Variants in HBS1L observed in about 807,000 individuals in gnomAD.
HBS1L encodes HBS1-like protein.
A neutral mutation model predicts 88.9 loss-of-function variants in HBS1L; 55 were observed. That is an observed-to-expected ratio of 0.62 (90% CI 0.50 to 0.77). The LOEUF is 0.77. Among genes scored for constraint, HBS1L ranks in the 30% least tolerant of loss-of-function variants. HBS1L has a pLI of 0.00. For synonymous variants in HBS1L, 267 were observed against 288.5 expected, an observed-to-expected ratio of 0.93 and a Z score of 0.76; for missense variants, 741 against 829.3, an observed-to-expected ratio of 0.89 and a Z score of 1.31.
chr6:135,012,205 T>C (rs1192236639), intron 4 of HBS1L, among the ~76,000 whole-genome samples: 4 of 152,178 alleles, frequency 2.6e-5, no homozygotes, highest in African/African-American at 4.8e-5. Flanking sequence ...AACAATGGAA[T>C]AGTATGCTAC....
At chr6:135,052,525 T>C (rs1304517653) in intron 1 of HBS1L, among the ~76,000 whole-genome samples, 1 of 149,504 alleles carries the variant, frequency 6.7e-6, no homozygotes, top group Non-Finnish European at 1.5e-5. Context: ...AGAGCTATGA[T>C]CATGCCACTG....
At chr6:134,998,790 T>G (rs1583092794) in intron 5 of HBS1L, among the ~76,000 whole-genome samples, 1 of 152,362 alleles carries the variant, frequency 6.6e-6, no homozygotes, top group East Asian at 1.9e-4. Context: ...CAACTTTATT[T>G]AAAGCCACAT....
Position 134,964,940 on chromosome 6 carries a change from A to T in HBS1L, c.*339T>A. 3 of 313,254 alleles carry T rather than the reference A, an allele frequency of 9.6e-6. No homozygotes were observed. The South Asian group carries it at 1.2e-4, about 13-fold the overall frequency. 19.4% of individuals were successfully genotyped at this position (313,254 alleles called of 1,614,324 possible). On this transcript the variant is annotated 3_prime_UTR_variant, in exon 18 of 18. Transcript: ENST00000367837. ...AATCAAAAGAGAAAACTGCAAATAC[A>T]TTGTGCTTTGGCCAGAAGTAGAGTT...
At chr6:135,024,768 T>C (rs1238171192) in intron 4 of HBS1L, among the ~76,000 whole-genome samples, 1 of 152,104 alleles carries the variant, frequency 6.6e-6, no homozygotes, top group Non-Finnish European at 1.5e-5. Context: ...ACATTTAGTA[T>C]ATTATTTTAG....
chr6:135,010,138 A>G (rs1775734473), intron 4 of HBS1L, among the ~76,000 whole-genome samples: 1 of 152,154 alleles, frequency 6.6e-6, no homozygotes, highest in Non-Finnish European at 1.5e-5. Context: ...GATCCTATTT[A>G]CATTCTATAG....
At position 135,039,665 on chromosome 6, in the gene HBS1L, T is replaced by C; in HGVS notation, c.338A>G (p.Gln113Arg). The change falls in exon 4 of 18, where the codon CAG becomes CGG. Residue 113 changes from glutamine to arginine, a missense_variant. Gln to Arg is a conservative substitution (Grantham distance 43, BLOSUM62 1). Around this residue, in one of 3 missense-constraint regions of HBS1L, gnomAD observed 556 missense variants for 598.4 expected, o/e 0.93. Coordinates refer to ENST00000367837, the MANE Select transcript of HBS1L (RefSeq NM_006620.4). ...TTCCAGAACCCCTGACAAAGCCTTC[T>C]GCACATCAAACTTGTTCTTCAGAAC... ...EAVLKNKFDV[Q>R]KALSGVLEQD... 6.2e-7 allele frequency: 1 copy of C among 1,614,164 alleles called. No individual in the cohort carries two copies. The highest frequency in any genetic ancestry group is 8.5e-7 in the Non-Finnish European group (1 of 1,180,006).
intron 15 of HBS1L, 58 bp from the exon 16 acceptor site, chr6:134,969,396 T>A: frequency 1.9e-6 from 2 of 1,040,678 alleles, no homozygotes; most frequent in Non-Finnish European, 3.0e-6. Context: ...TGGCCTTTTC[T>A]TTTGGCACTT....
chr6:134,961,837 A>G lies in HBS1L; in HGVS notation c.*3442T>C, dbSNP rs1264300371. 6.6e-6 allele frequency: 1 copy of G among 151,564 alleles called. No individual in the cohort carries two copies. Among genetic ancestry groups the G allele is most frequent in the African/African-American group, 2.4e-5 (1 of 40,838 alleles). 9.4% of individuals were successfully genotyped at this position (151,564 alleles called of 1,614,324 possible). On this transcript the variant is annotated 3_prime_UTR_variant, in exon 18 of 18. Coordinates refer to ENST00000367837, the MANE Select transcript of HBS1L (RefSeq NM_006620.4). The stretch of plus-strand genomic sequence containing the variant: ...AGTCTCTCTTGCTGCAGCAAGCATC[A>G]ATAAAACTAATTTTGATTATAATTA...
rs371805013 is a variant in HBS1L at position 134,982,498 on chromosome 6, T to C, written c.1557A>G (p.Arg519=). The change falls in exon 13 of 18, where the codon CGA becomes CGG. Residue 519 remains arginine, a synonymous_variant. Transcript: ENST00000367837. ...TTTCATTAGGAGGCATTGCCAGTAG[T>C]CGGTCACCAGTTTGGATATAACCAG... ...IEAGYIQTGD[R]LLAMPPNETC... 4.1e-5 allele frequency: 66 copies of C among 1,611,616 alleles called. No homozygotes were observed. The highest frequency in any genetic ancestry group is 1.0e-4 in the Admixed American group (6 of 59,852).
intron 4 of HBS1L, among the ~76,000 whole-genome samples, chr6:135,033,321 A>G (rs1345689001): frequency 6.6e-6 from 1 of 152,230 alleles, no homozygotes; most frequent in Non-Finnish European, 1.5e-5. Flanking sequence ...AGCAGCTGGT[A>G]CAGAATATAC....
At chr6:135,048,231 C>T (rs982565879) in intron 2 of HBS1L, among the ~76,000 whole-genome samples, 23 of 152,220 alleles carry the variant, frequency 1.5e-4, no homozygotes, top group African/African-American at 5.5e-4. Context: ...ATACTCACTT[C>T]ACCTTCCAGA....
chr6:134,973,309 T>A (rs1375260246), intron 15 of HBS1L, among the ~76,000 whole-genome samples: 1 of 152,160 alleles, frequency 6.6e-6, no homozygotes, highest in Non-Finnish European at 1.5e-5. Flanking sequence ...GGACAAACCA[T>A]GAAAACAATT....
intron 4 of HBS1L, among the ~76,000 whole-genome samples, chr6:135,014,458 G>A (rs917934768): frequency 6.6e-6 from 1 of 152,072 alleles, no homozygotes; most frequent in Non-Finnish European, 1.5e-5. Context: ...GTGATGAACA[G>A]TACGATAAGA....
intron 4 of HBS1L, among the ~76,000 whole-genome samples, chr6:135,028,047 T>G (rs1776284158): frequency 6.6e-6 from 1 of 152,124 alleles, no homozygotes; most frequent in Non-Finnish European, 1.5e-5. Flanking sequence ...AATACAGGCA[T>G]GAGCCACCGC....
intron 4 of HBS1L, among the ~76,000 whole-genome samples, chr6:135,024,270 C>T (rs998799108): frequency 6.6e-6 from 1 of 151,838 alleles, no homozygotes; most frequent in African/African-American, 2.4e-5. Flanking sequence ...GAAACCCTGT[C>T]TCTACTAAAA....
At chr6:135,042,762 G>A (rs144258459) in intron 2 of HBS1L, among the ~76,000 whole-genome samples, 6,268 of 149,484 alleles carry the variant, frequency 0.042, 420 homozygotes, top group African/African-American at 0.14. Context: ...GCAGTGAGCC[G>A]AGATCACGCC....
chr6:135,002,305 T>G (rs1775483891), intron 5 of HBS1L, among the ~76,000 whole-genome samples: 1 of 152,186 alleles, frequency 6.6e-6, no homozygotes, highest in African/African-American at 2.4e-5. Context: ...ATGGTCCAAT[T>G]TATTCAATAT....
At chr6:135,037,812 T>C in intron 4 of HBS1L, 2 of 1,547,484 alleles carry the variant, frequency 1.3e-6, no homozygotes, top group Non-Finnish European at 1.7e-6. Flanking sequence ...TTAACTTACA[T>C]GATTCTAGTT....
At chr6:135,020,511 A>G (rs1037857655) in intron 4 of HBS1L, among the ~76,000 whole-genome samples, 17 of 152,050 alleles carry the variant, frequency 1.1e-4, no homozygotes, top group African/African-American at 3.9e-4. Flanking sequence ...GAAAAACTGC[A>G]TAATTTATCT....
Sources: gnomAD v4.1 joint callset for allele counts (sites outside exome capture counted in the v4.1 genomes callset) on GRCh38, gnomAD v4.1.1 for gene constraint, gnomAD v4.1.1 regional missense constraint, MANE v1.5 for transcripts, NCBI Gene and HGNC (gene_info 2026-07-23, HGNC 2026-07-21) for gene names.